Variants in EHD1 observed in about 807,000 individuals in gnomAD.
EHD1 encodes the protein EH domain-containing protein 1.
Under a neutral mutation model 39.0 loss-of-function variants are expected in EHD1, and 19 were observed. The ratio of observed to expected loss-of-function variants is 0.49; its 90% CI spans 0.34 to 0.72. The LOEUF (loss-of-function observed/expected upper bound fraction) is 0.72. Among genes scored for constraint, EHD1 ranks in the 30% least tolerant of loss-of-function variants. EHD1 has a pLI of 0.01. For missense variants in EHD1, 542 were observed against 751.5 expected (o/e 0.72, Z 3.26); for synonymous variants, 323 against 331.2 (o/e 0.98, Z 0.27).
chr11:64,875,111 C>T lies in EHD1; in HGVS notation c.405-593G>A, dbSNP rs150830770. On this transcript the variant is annotated intron_variant, in intron 1 of 4. Coordinates refer to ENST00000320631, the MANE Select transcript of EHD1 (RefSeq NM_006795.4). ...CGAGCAGGCTGAGGAAGAACAAAGC[C>T]GTGGAGAGGCTGGCGACTTGCGGGC... 1.2e-4 allele frequency among the ~76,000 whole-genome samples: 19 copies of T among 152,334 alleles called. 1 individual carries two copies. In the East Asian group the frequency reaches 3.7e-3, roughly 29 times the overall value.
At chr11:64,876,701 G>C (rs1454035981) in intron 1 of EHD1, among the ~76,000 whole-genome samples, 1 of 152,202 alleles carries the variant, frequency 6.6e-6, no homozygotes, top group African/African-American at 2.4e-5. Context: ...GATCCTTCCA[G>C]CTCTGAAACT....
chr11:64,879,421 C>G (rs1180592287), upstream of EHD1, among the ~76,000 whole-genome samples: 1 of 152,140 alleles, frequency 6.6e-6, no homozygotes, highest in Non-Finnish European at 1.5e-5. Flanking sequence ...AGTTGAGGCT[C>G]TCTGGCCACT....
chr11:64,855,266 GCCTT>G, intron 4 of EHD1, 52 bp downstream of exon 4: 2 of 1,586,342 alleles, frequency 1.3e-6, no homozygotes, highest in Non-Finnish European at 1.7e-6. Flanking sequence ...AGTGCCCTGG[GCCTT>G]CCTTCTGCCC....
chr11:64,878,810 G>C, upstream of EHD1: 2 of 1,184,566 alleles, frequency 1.7e-6, no homozygotes, highest in Non-Finnish European at 2.1e-6. Flanking sequence ...GCGAGGCTGT[G>C]GTCCGGGTGC....
chr11:64,866,680 C>CAA (rs1373156962), intron 2 of EHD1, among the ~76,000 whole-genome samples: 3 of 118,008 alleles, frequency 2.5e-5, no homozygotes, highest in Non-Finnish European at 5.5e-5. Flanking sequence ...ACCCTGTCTC[C>CAA]AAAAAAAAAA....
rs144668933 is a variant in EHD1, at chr11:64,855,340, C to T, written c.1062G>A (p.Pro354=). ...REHQISPGDF[P]SLRKMQELLQ... The stretch of plus-strand genomic sequence containing the variant: ...GCCGTACCTGCATCTTGCGGAGGCT[C>T]GGGAAGTCCCCAGGGGAGATCTGGT... Residue 354 remains proline, a synonymous_variant, in exon 4 of 5, where the codon CCG becomes CCA. Transcript: ENST00000320631. The T allele has an allele frequency of 8.2e-5, 132 of 1,613,872 alleles. No homozygotes were observed. Among genetic ancestry groups the T allele is most frequent in the Middle Eastern group, 1.7e-4 (1 of 6,024 alleles).
At chr11:64,861,180 C>T (rs1419363314) in intron 2 of EHD1, among the ~76,000 whole-genome samples, 3 of 148,098 alleles carry the variant, frequency 2.0e-5, no homozygotes, top group Admixed American at 6.7e-5. Context: ...AGCGAGACTC[C>T]GTCTCAAAAA....
chr11:64,861,016 T>C (rs1410826315), intron 2 of EHD1, among the ~76,000 whole-genome samples: 10 of 65,924 alleles, frequency 1.5e-4, no homozygotes. Flanking sequence ...TGAGACTCCA[T>C]CTCAAAAAAA....
In EHD1 at chr11:64,854,447, G is replaced by A. The variant is rs768335405; in HGVS notation, c.1491C>T (p.Asp497=). The change falls in exon 5 of 5, where the codon GAC becomes GAT. Residue 497 remains aspartate (D), a synonymous_variant. Coordinates refer to ENST00000320631, the MANE Select transcript of EHD1 (RefSeq NM_006795.4). ...GGTTGGCCAGCGCGAACTCCTCGTC[G>A]TCCAGCAGCCCGTCCTTGTCCACGT... The part of the protein sequence containing the change: ...LADVDKDGLL[D]DEEFALANHL... 10 of 1,614,034 alleles carry A rather than the reference G, an allele frequency of 6.2e-6. No homozygotes were observed. Among genetic ancestry groups the A allele is most frequent in the East Asian group, 2.2e-5 (1 of 44,886 alleles).
In EHD1 at chr11:64,869,167, C is replaced by T. The variant is rs760431703; in HGVS notation, c.502+5254G>A. Among the ~76,000 whole-genome samples the T allele has an allele frequency of 1.2e-4, 18 of 152,368 alleles. No individual in the cohort carries two copies. The South Asian group carries it at 1.2e-3, about 11-fold the overall frequency. On this transcript the variant is annotated intron_variant, in intron 2 of 4. Coordinates refer to ENST00000320631, the MANE Select transcript of EHD1 (RefSeq NM_006795.4). ...TATAAACGGAATGTTTGCAGGCGCT[C>T]GGCCAGCTGCTCCCCAGCCCACCGC...
At chr11:64,865,890 C>A (rs962172406) in intron 2 of EHD1, among the ~76,000 whole-genome samples, 1 of 152,186 alleles carries the variant, frequency 6.6e-6, no homozygotes, top group Non-Finnish European at 1.5e-5. Context: ...GAAAAGGGAA[C>A]ATTTATACGC....
At chr11:64,863,837 C>G (rs1450930720) in intron 2 of EHD1, among the ~76,000 whole-genome samples, 1 of 152,258 alleles carries the variant, frequency 6.6e-6, no homozygotes, top group Non-Finnish European at 1.5e-5. Flanking sequence ...CTTTCTCCAT[C>G]TGTGAAATTT....
At position 64,854,554 on chromosome 11, in the gene EHD1, T is replaced by C. The variant is rs1592742699; in HGVS notation, c.1384A>G (p.Ile462Val). Residue 462 changes from isoleucine to valine, a missense_variant, in exon 5 of 5, where the codon ATC becomes GTC. Transcript: ENST00000320631. ...TCCTTCTTGGCGTTGGCGCCCGTGA[T>C]CTTGCCGTTGACAGGGGACAGCGTG... ...FYTLSPVNGK[I>V]TGANAKKEMV... The C allele has an allele frequency of 2.5e-6, 4 of 1,614,164 alleles. No individual in the cohort carries two copies. The East Asian group carries it at 8.9e-5, about 36-fold the overall frequency.
chr11:64,877,477 G>A (rs1026035713), intron 1 of EHD1, among the ~76,000 whole-genome samples: 9 of 152,190 alleles, frequency 5.9e-5, no homozygotes, highest in Non-Finnish European at 8.8e-5. Flanking sequence ...CTGCCATTGG[G>A]AGAAGTGTTC....
Position 64,874,459 on chromosome 11 carries a change from G to GAGAT in EHD1, c.463_464insATCT (p.Pro155HisfsTer17), listed in dbSNP as rs755571584. The stretch of plus-strand genomic sequence containing the variant: ...CTGCTTCTCTCCAGACAGGATCCCG[G>GAGAT]GGGTGTCGATGATGCTGATGCTGTC... On this transcript the variant is annotated frameshift_variant, in exon 2 of 5. Transcript: ENST00000320631. LOFTEE classifies it high-confidence loss of function. The GAGAT allele has an allele frequency of 1.9e-6, 3 of 1,610,894 alleles. No individual in the cohort carries two copies. The highest frequency in any genetic ancestry group is 2.5e-6 in the Non-Finnish European group (3 of 1,178,802).
At chr11:64,862,225 T>G (rs1196669098) in intron 2 of EHD1, among the ~76,000 whole-genome samples, 4 of 152,198 alleles carry the variant, frequency 2.6e-5, no homozygotes, top group Admixed American at 6.5e-5. Context: ...CTATTCTATA[T>G]TGCTTCCCAC....
upstream of EHD1, chr11:64,879,643 C>T (rs755111233): frequency 7.7e-6 from 12 of 1,551,048 alleles, no homozygotes; most frequent in Non-Finnish European, 9.6e-6. Flanking sequence ...GGCTCACTCC[C>T]CCGCCATCCT....
At chr11:64,859,042 C>A (rs905767277) in intron 3 of EHD1, among the ~76,000 whole-genome samples, 1 of 152,256 alleles carries the variant, frequency 6.6e-6, no homozygotes, top group African/African-American at 2.4e-5. Context: ...CAGGCCCCCC[C>A]AGCCCTTCTA....
intron 4 of EHD1, 135 bp from the exon 5 acceptor site, chr11:64,854,992 A>C: frequency 1.7e-6 from 2 of 1,177,562 alleles, no homozygotes; most frequent in Non-Finnish European, 2.4e-6. Context: ...CGGCAAAACC[A>C]TCTGGCCCTT....
Sources: allele counts gnomAD v4.1 joint callset (sites outside exome capture counted in the v4.1 genomes callset), GRCh38; gene constraint gnomAD v4.1.1; transcripts MANE v1.5; gene names NCBI Gene and HGNC (gene_info 2026-07-23, HGNC 2026-07-21).